Variants in DLGAP2 observed in about 807,000 individuals in gnomAD.
DLGAP2 encodes disks large-associated protein 2.
In DLGAP2, 26 loss-of-function variants were observed where a neutral mutation model predicts 100.3. That is an observed-to-expected ratio of 0.26 (90% CI 0.19 to 0.36). The LOEUF (loss-of-function observed/expected upper bound fraction) is 0.36, where lower values mean the gene tolerates loss of function less well. DLGAP2 is among the 10% of genes least tolerant of loss of function. DLGAP2 has a pLI of 1.00. For synonymous variants in DLGAP2, 886 were observed against 630.1 expected (o/e 1.41, Z -6.08); for missense variants, 1,858 against 1,453.2 (o/e 1.28, Z -4.53).
intron 3 of DLGAP2, among the ~76,000 whole-genome samples, chr8:1,317,876 C>G (rs1422005528): frequency 1.4e-5 from 2 of 140,602 alleles, no homozygotes; most frequent in Admixed American, 7.1e-5. Flanking sequence ...AAAAATAGAG[C>G]GTGTGTGAGT....
intron 2 of DLGAP2, among the ~76,000 whole-genome samples, chr8:1,064,659 A>T (rs1000203293): frequency 1.3e-5 from 2 of 152,196 alleles, no homozygotes; most frequent in African/African-American, 2.4e-5. Context: ...GACATTCTCT[A>T]AAATATTCGC....
At chr8:1,321,073 G>A (rs563888052) in intron 3 of DLGAP2, among the ~76,000 whole-genome samples, 2 of 151,566 alleles carry the variant, frequency 1.3e-5, no homozygotes, top group East Asian at 1.9e-4. Context: ...ACATGCATCT[G>A]TGTGCCTCTG....
rs188851545 is a variant in DLGAP2 at position 1,502,888 on chromosome 8, C to G, written c.172+1457C>G. On this transcript the variant is annotated intron_variant, in intron 4 of 14. Transcript: ENST00000637795. ...GCCTTCTCTGGGGCAGCAGGAGGTA[C>G]CTGGGGTGGTTCTGCTTGGGCTCAG... Among the ~76,000 whole-genome samples the G allele has an allele frequency of 3.0e-3, 460 of 152,248 alleles. 3 individuals are homozygous for G. The highest frequency in any genetic ancestry group is 4.0e-3 in the Non-Finnish European group (272 of 68,030).
At position 1,028,406 on chromosome 8, in the gene DLGAP2, C is replaced by T. The variant is rs143480356; in HGVS notation, c.73+120440C>T. On this transcript the variant is annotated intron_variant, in intron 2 of 14. Coordinates refer to ENST00000637795, the MANE Select transcript of DLGAP2 (RefSeq NM_001346810.2). Reference sequence around the variant, plus strand: ...GTTATTCTCCAGGTCGGGTGTCAGGCGCCCCTTATTCTCCAGGTGGGGTGT... The same window carrying T: ...GTTATTCTCCAGGTCGGGTGTCAGGTGCCCCTTATTCTCCAGGTGGGGTGT... Among the ~76,000 whole-genome samples the T allele has an allele frequency of 2.2e-4, 32 of 144,918 alleles. 1 individual carries two copies. The East Asian group carries it at 2.8e-3, about 13-fold the overall frequency.
At chr8:1,549,716 T>G in intron 5 of DLGAP2, 33 bp downstream of exon 5, 1 of 1,504,940 alleles carries the variant, frequency 6.6e-7, no homozygotes, top group Non-Finnish European at 8.9e-7. Context: ...GGAGGCCGTC[T>G]CGGCACAGCA....
chr8:1,533,480 T>C (rs1801054487), intron 4 of DLGAP2, among the ~76,000 whole-genome samples: 1 of 151,764 alleles, frequency 6.6e-6, no homozygotes, highest in African/African-American at 2.4e-5. Context: ...CATTCCAGCC[T>C]GGGCGAAAGA....
intron 2 of DLGAP2, among the ~76,000 whole-genome samples, chr8:1,184,939 A>G (rs921822538): frequency 6.6e-6 from 1 of 152,162 alleles, no homozygotes; most frequent in Non-Finnish European, 1.5e-5. Flanking sequence ...CCTGGTGCAG[A>G]AGAGGCAGAT....
At chr8:1,149,312 AT>A (rs565038932) in intron 2 of DLGAP2, among the ~76,000 whole-genome samples, 1 of 151,618 alleles carries the variant, frequency 6.6e-6, no homozygotes, top group African/African-American at 2.4e-5. Flanking sequence ...CACCCGGCTA[AT>A]TTTTTTTGTA....
chr8:1,282,031 CCAT>C, intron 3 of DLGAP2, among the ~76,000 whole-genome samples: 1 of 140,480 alleles, frequency 7.1e-6, no homozygotes. Context: ...GAACCCAGCA[CCAT>C]GAACCATCCG....
intron 1 of DLGAP2, among the ~76,000 whole-genome samples, chr8:819,849 T>C (rs1409651273): frequency 6.6e-6 from 1 of 152,200 alleles, no homozygotes; most frequent in Non-Finnish European, 1.5e-5. Context: ...TGGCACTTCA[T>C]GGAAGTGGTG....
At chr8:925,550 T>G (rs1195090175) in intron 2 of DLGAP2, among the ~76,000 whole-genome samples, 1 of 152,106 alleles carries the variant, frequency 6.6e-6, no homozygotes, top group Non-Finnish European at 1.5e-5. Context: ...TTAGCACAGC[T>G]TGGATGTCCA....
At chr8:974,791 A>T (rs1332071182) in intron 2 of DLGAP2, among the ~76,000 whole-genome samples, 1 of 152,228 alleles carries the variant, frequency 6.6e-6, no homozygotes, top group Non-Finnish European at 1.5e-5. Context: ...ACATATTTAG[A>T]AATGGAGTAA....
At chr8:1,564,413 A>G (rs192196525) in intron 5 of DLGAP2, among the ~76,000 whole-genome samples, 1 of 152,326 alleles carries the variant, frequency 6.6e-6, no homozygotes, top group Non-Finnish European at 1.5e-5. Context: ...ACGTAACGCA[A>G]ACACACAGCA....
intron 3 of DLGAP2, among the ~76,000 whole-genome samples, chr8:1,275,333 C>G (rs1410428347): frequency 2.0e-5 from 3 of 151,296 alleles, no homozygotes; most frequent in African/African-American, 7.3e-5. Flanking sequence ...CAGGTACACT[C>G]TCTAGCTCGA....
At position 1,439,053 on chromosome 8, in the gene DLGAP2, C is replaced by A. The variant is rs550573643; in HGVS notation, c.107-62313C>A. The stretch of plus-strand genomic sequence containing the variant: ...AAGAAACAAAGCTTCAGTGTAGAGT[C>A]AGACGAGTGTAAATGGGAGAGGAGA... On this transcript the variant is annotated intron_variant, in intron 3 of 14. Coordinates refer to ENST00000637795, the MANE Select transcript of DLGAP2 (RefSeq NM_001346810.2). Among the ~76,000 whole-genome samples the A allele has an allele frequency of 1.3e-4, 20 of 152,266 alleles. No homozygotes were observed. In the South Asian group the frequency reaches 4.1e-3, roughly 32 times the overall value.
At chr8:1,026,955 T>G (rs1801818487) in intron 2 of DLGAP2, among the ~76,000 whole-genome samples, 2 of 152,236 alleles carry the variant, frequency 1.3e-5, no homozygotes, top group African/African-American at 4.8e-5. Flanking sequence ...TTCTATAAAT[T>G]TTTAAATATC....
At chr8:827,601 C>T (rs532918038) in intron 1 of DLGAP2, among the ~76,000 whole-genome samples, 11 of 152,226 alleles carry the variant, frequency 7.2e-5, no homozygotes, top group Admixed American at 2.6e-4. Context: ...AGCATAAGAA[C>T]GACTGCATTT....
chr8:1,003,515 A>G (rs776074395), intron 2 of DLGAP2, among the ~76,000 whole-genome samples: 13 of 152,212 alleles, frequency 8.5e-5, no homozygotes, highest in Non-Finnish European at 1.2e-4. Flanking sequence ...TTGGTTATCT[A>G]TTGCTGAATA....
intron 4 of DLGAP2, among the ~76,000 whole-genome samples, chr8:1,518,183 C>T (rs904498940): frequency 4.6e-5 from 7 of 152,146 alleles, no homozygotes; most frequent in African/African-American, 1.4e-4. Context: ...TACCATTTAG[C>T]CTCCCAATTG....
Sources: gnomAD v4.1 joint callset for allele counts (sites outside exome capture counted in the v4.1 genomes callset) on GRCh38, gnomAD v4.1.1 for gene constraint, MANE v1.5 for transcripts, NCBI Gene and HGNC (gene_info 2026-07-23, HGNC 2026-07-21) for gene names.